The following SHLD1 variants were observed in gnomAD, a reference collection of about 807,000 sequenced individuals.
SHLD1 encodes the protein shieldin complex subunit 1.
Under a neutral mutation model 5.5 loss-of-function variants are expected in SHLD1, and 3 were observed. The observed-to-expected ratio is 0.54, with a 90% CI of 0.25 to 1.40. The LOEUF is 1.40. SHLD1 is among the 40% of genes most tolerant of loss of function. The pLI is 0.15. For missense variants in SHLD1, 210 were observed against 244.4 expected, an observed-to-expected ratio of 0.86 and a Z score of 0.94; for synonymous variants, 92 against 94.3, an observed-to-expected ratio of 0.98 and a Z score of 0.14.
chr20:5,827,533 C>A (rs1034798051), intron 2 of SHLD1, among the ~76,000 whole-genome samples: 21 of 152,270 alleles, frequency 1.4e-4, no homozygotes, highest in African/African-American at 5.1e-4. Flanking sequence ...CGCAGTCTGG[C>A]CCACCTGCCT....
At chr20:5,833,865 G>T (rs1244172600) in intron 2 of SHLD1, among the ~76,000 whole-genome samples, 1 of 152,158 alleles carries the variant, frequency 6.6e-6, no homozygotes, top group African/African-American at 2.4e-5. Flanking sequence ...ACATAATTTA[G>T]ATTCACATCT....
intron 1 of SHLD1, among the ~76,000 whole-genome samples, chr20:5,754,539 A>G (rs531804980): frequency 6.6e-6 from 1 of 152,310 alleles, no homozygotes; most frequent in East Asian, 1.9e-4. Flanking sequence ...TAAAATATTT[A>G]AAGAGGTTTA....
intron 2 of SHLD1, among the ~76,000 whole-genome samples, chr20:5,784,082 C>T (rs764399282): frequency 1.1e-4 from 17 of 150,354 alleles, no homozygotes; most frequent in Non-Finnish European, 2.1e-4. Flanking sequence ...ACCCGGGAGG[C>T]GGAGGTTGCA....
intron 2 of SHLD1, among the ~76,000 whole-genome samples, chr20:5,784,650 C>G (rs1056647477): frequency 6.6e-6 from 1 of 151,936 alleles, no homozygotes; most frequent in Non-Finnish European, 1.5e-5. Context: ...CGGGGTTTCA[C>G]CGTGTTAGCC....
intron 2 of SHLD1, among the ~76,000 whole-genome samples, chr20:5,838,765 G>A (rs1017054871): frequency 2.6e-5 from 4 of 152,166 alleles, no homozygotes; most frequent in African/African-American, 7.2e-5. Context: ...GTGACGGAGC[G>A]AGACTCTGTC....
At chr20:5,799,834 A>T (rs911855622) in intron 2 of SHLD1, among the ~76,000 whole-genome samples, 44 of 152,204 alleles carry the variant, frequency 2.9e-4, no homozygotes, top group Admixed American at 2.9e-3. Flanking sequence ...GTAAGATATC[A>T]TTGACCTAAA....
At chr20:5,813,945 CTTTTTTTTTTTT>C (rs143110037) in intron 2 of SHLD1, among the ~76,000 whole-genome samples, 2 of 79,974 alleles carry the variant, frequency 2.5e-5, no homozygotes, top group African/African-American at 4.7e-5. Flanking sequence ...CCTTTTCTTT[CTTTTTTTTTTTT>C]TTTTTTTTTT....
chr20:5,804,140 A>G (rs2087340002), intron 2 of SHLD1, among the ~76,000 whole-genome samples: 1 of 151,242 alleles, frequency 6.6e-6, no homozygotes, highest in African/African-American at 2.4e-5. Flanking sequence ...ACAAAACCTC[A>G]TCTCTACTAA....
intron 2 of SHLD1, among the ~76,000 whole-genome samples, chr20:5,826,245 A>C (rs2087663702): frequency 6.6e-6 from 1 of 152,160 alleles, no homozygotes; most frequent in South Asian, 2.1e-4. Context: ...TGTAGGAAAA[A>C]ATTATCTAGT....
intron 2 of SHLD1, among the ~76,000 whole-genome samples, chr20:5,856,202 A>T (rs1183621194): frequency 1.3e-5 from 2 of 152,208 alleles, no homozygotes; most frequent in Admixed American, 6.5e-5. Context: ...CTGAGCAGAG[A>T]CCTAGAGGAC....
intron 2 of SHLD1, among the ~76,000 whole-genome samples, chr20:5,789,366 C>T (rs938306102): frequency 2.5e-4 from 38 of 151,812 alleles, no homozygotes; most frequent in African/African-American, 8.9e-4. Context: ...CACCTAAGGT[C>T]AAGAGTTTGA....
chr20:5,763,322 C>T (rs1313327306), intron 1 of SHLD1, among the ~76,000 whole-genome samples: 5 of 150,608 alleles, frequency 3.3e-5, no homozygotes, highest in African/African-American at 9.7e-5. Flanking sequence ...AGAACTGTGC[C>T]TGTAAGATAA....
At chr20:5,790,855 C>A (rs1199205057) in intron 2 of SHLD1, among the ~76,000 whole-genome samples, 1 of 152,078 alleles carries the variant, frequency 6.6e-6, no homozygotes, top group Non-Finnish European at 1.5e-5. Flanking sequence ...CAAAAAATTA[C>A]GACTTGAATG....
chr20:5,824,466 A>G (rs549621784), intron 2 of SHLD1, among the ~76,000 whole-genome samples: 2 of 152,350 alleles, frequency 1.3e-5, no homozygotes, highest in South Asian at 4.1e-4. Context: ...TAAGCTCCAC[A>G]GAGCAAGTAG....
intron 2 of SHLD1, among the ~76,000 whole-genome samples, chr20:5,783,583 A>G (rs1322159134): frequency 6.6e-6 from 1 of 152,082 alleles, no homozygotes; most frequent in Non-Finnish European, 1.5e-5. Flanking sequence ...CCAGAATCGG[A>G]TTTTGAGCTC....
At chr20:5,767,778 C>T (rs6133259) in intron 1 of SHLD1, among the ~76,000 whole-genome samples, 1 of 152,130 alleles carries the variant, frequency 6.6e-6, no homozygotes, top group East Asian at 1.9e-4. Flanking sequence ...TAGGGAACAC[C>T]TAGTGTAATG....
At chr20:5,774,133 G>C (rs1198768531) in intron 2 of SHLD1, among the ~76,000 whole-genome samples, 1 of 152,142 alleles carries the variant, frequency 6.6e-6, no homozygotes, top group East Asian at 1.9e-4. Flanking sequence ...GAACCCGGAA[G>C]GTGGAGGTTG....
At chr20:5,795,074 A>G (rs569878485) in intron 2 of SHLD1, among the ~76,000 whole-genome samples, 4 of 151,348 alleles carry the variant, frequency 2.6e-5, no homozygotes, top group Middle Eastern at 3.5e-3. Context: ...CTCTGTCTCT[A>G]CTAAAAATTC....
At chr20:5,854,072 C>A (rs1218527688) in intron 2 of SHLD1, among the ~76,000 whole-genome samples, 1 of 150,820 alleles carries the variant, frequency 6.6e-6, no homozygotes, top group Non-Finnish European at 1.5e-5. Context: ...ATGGTGTGAT[C>A]TCAGCTCACT....
Sources: gnomAD v4.1 joint callset for allele counts (sites outside exome capture counted in the v4.1 genomes callset) on GRCh38, gnomAD v4.1.1 for gene constraint, MANE v1.5 for transcripts, NCBI Gene and HGNC (gene_info 2026-07-23, HGNC 2026-07-21) for gene names.